The following ACOX3 variants were observed in gnomAD, a reference collection of about 807,000 sequenced individuals.
ACOX3 encodes peroxisomal acyl-coenzyme A oxidase 3.
Under a neutral mutation model 81.5 loss-of-function variants are expected in ACOX3, and 73 were observed. The observed-to-expected ratio is 0.90, with a 90% CI of 0.74 to 1.09. The LOEUF (loss-of-function observed/expected upper bound fraction) is 1.09, where lower values mean the gene tolerates loss of function less well. Among genes scored for constraint, ACOX3 ranks in the 50% least tolerant of loss-of-function variants. ACOX3 has a pLI of 0.00. For synonymous variants in ACOX3, 387 were observed against 375.1 expected (o/e 1.03, Z -0.37); for missense variants, 947 against 928.0 (o/e 1.02, Z -0.27).
At chr4:8,392,070 A>G (rs890544300) in intron 11 of ACOX3, among the ~76,000 whole-genome samples, 1 of 152,272 alleles carries the variant, frequency 6.6e-6, no homozygotes, top group African/African-American at 2.4e-5. Flanking sequence ...GCAATGGACC[A>G]GAGAGTAAAT....
intron 1 of ACOX3, among the ~76,000 whole-genome samples, chr4:8,420,123 G>A (rs1255112695): frequency 6.6e-6 from 1 of 152,192 alleles, no homozygotes; most frequent in African/African-American, 2.4e-5. Flanking sequence ...GAGCTTCTTA[G>A]AGACATTGAC....
rs1388957361 is a variant in ACOX3, at chr4:8,423,587, A to G, written c.-14-7052T>C. On this transcript the variant is annotated intron_variant, in intron 1 of 17. Coordinates refer to ENST00000356406, the MANE Select transcript of ACOX3 (RefSeq NM_003501.3). The surrounding 1 kb of genome is among the most constrained non-coding windows in gnomAD (Gnocchi z 4.2). ...CCAATTTTAGGAGTACAGAAACCCA[A>G]TGGACAGTGGAGGTTAGTGCAAGAT... 1.3e-5 allele frequency among the ~76,000 whole-genome samples: 2 copies of G among 152,062 alleles called. No homozygotes were observed. The highest frequency in any genetic ancestry group is 1.3e-4 in the Admixed American group (2 of 15,270).
chr4:8,440,697 G>T lies in ACOX3; in HGVS notation c.-64C>A. The T allele has an allele frequency of 1.7e-6, 2 of 1,206,924 alleles. No homozygotes were observed. The highest frequency in any genetic ancestry group is 1.9e-5 in the South Asian group (1 of 53,560). 74.8% of individuals were successfully genotyped at this position (1,206,924 alleles called of 1,614,324 possible). A position where few individuals can be genotyped will look rare whatever the true frequency, so the allele number is the denominator to read the frequency against. On this transcript the variant is annotated 5_prime_UTR_variant, in exon 1 of 18. Transcript: ENST00000356406. ...TGCCAGGGAAACCAAAAGCAGGAAAGGATCTCCAGCGGCGCCATTCTCATT... is the reference window on the plus strand; with the variant it reads ...TGCCAGGGAAACCAAAAGCAGGAAATGATCTCCAGCGGCGCCATTCTCATT...
chr4:8,391,935 G>A (rs950421890), intron 11 of ACOX3, among the ~76,000 whole-genome samples: 3 of 152,232 alleles, frequency 2.0e-5, no homozygotes, highest in Non-Finnish European at 4.4e-5. Flanking sequence ...CTACCAAGCT[G>A]TTAACCAAAT....
In ACOX3 at chr4:8,368,681, T is replaced by A. The variant is rs1295916987; in HGVS notation, c.1984-1601A>T. Among the ~76,000 whole-genome samples the A allele has an allele frequency of 6.6e-6, 1 of 151,944 alleles. No homozygotes were observed. The highest frequency in any genetic ancestry group is 1.5e-5 in the Non-Finnish European group (1 of 67,990). ...GTTCGCTTATAGTGAATTTCTCACC[T>A]GGCAGCTCCTGGTTAATACACCAGT... is the stretch of plus-strand genomic sequence containing the variant. On this transcript the variant is annotated intron_variant, in intron 17 of 17. Transcript: ENST00000356406. This position sits in a 1 kb window ranked among gnomAD's most constrained non-coding sequence, Gnocchi z 5.9.
At chr4:8,396,866 C>A (rs766018017) in intron 9 of ACOX3, 71 bp downstream of exon 9, 1 of 1,540,794 alleles carries the variant, frequency 6.5e-7, no homozygotes, top group Non-Finnish European at 8.8e-7. Context: ...AACCAAACGG[C>A]AACTATGTAA....
the ACOX3 span, among the ~76,000 whole-genome samples, chr4:8,359,753 G>A: frequency 6.6e-6 from 1 of 152,170 alleles, no homozygotes; most frequent in African/African-American, 2.4e-5. This position sits in a 1 kb window ranked among gnomAD's most constrained non-coding sequence, Gnocchi z 6.0. Flanking sequence ...TGACCTCCCT[G>A]AGCGCCTCGC....
the ACOX3 span, chr4:8,355,663 G>C: frequency 6.6e-6 from 1 of 152,258 alleles, no homozygotes; most frequent in Non-Finnish European, 1.5e-5. Flanking sequence ...AAGAGTCTTC[G>C]TTTTAAAATG....
At position 8,385,675 on chromosome 4, in the gene ACOX3, C is replaced by G. The variant is rs1250948865; in HGVS notation, c.1537+3498G>C. Among the ~76,000 whole-genome samples the G allele has an allele frequency of 6.6e-6, 1 of 152,226 alleles. No homozygotes were observed. On this transcript the variant is annotated intron_variant, in intron 13 of 17. Coordinates refer to ENST00000356406, the MANE Select transcript of ACOX3 (RefSeq NM_003501.3). This position sits in a 1 kb window ranked among gnomAD's most constrained non-coding sequence, Gnocchi z 5.5. ...GTCAGAATCGAACCCCTGAAGGACC[C>G]GCCATTGGCTTGGCAAATCCTCCAC...
At chr4:8,356,946 G>C in the ACOX3 span, 3 of 414,266 alleles carry the variant, frequency 7.2e-6, no homozygotes, top group East Asian at 2.1e-4. Context: ...AGAAGAAGAA[G>C]GTGAAGTGAG....
At chr4:8,429,269 C>T (rs1188343621) in intron 1 of ACOX3, among the ~76,000 whole-genome samples, 3 of 152,224 alleles carry the variant, frequency 2.0e-5, no homozygotes, top group African/African-American at 7.2e-5. Flanking sequence ...AGACAGCTAA[C>T]GCTTAAAGTT....
At chr4:8,395,483 G>T (rs1380405186) in intron 9 of ACOX3, among the ~76,000 whole-genome samples, 6 of 152,232 alleles carry the variant, frequency 3.9e-5, no homozygotes, top group Non-Finnish European at 8.8e-5. Context: ...CACCACCATG[G>T]TCTAACGTGT....
chr4:8,398,127 T>C (rs900781335), intron 8 of ACOX3, among the ~76,000 whole-genome samples: 5 of 152,178 alleles, frequency 3.3e-5, no homozygotes, highest in Non-Finnish European at 7.4e-5. Context: ...GATCGTGCTG[T>C]TGCACTGCAG....
At position 8,432,817 on chromosome 4, in the gene ACOX3, C is replaced by T. The variant is rs972222676; in HGVS notation, c.-15+7831G>A. Among the ~76,000 whole-genome samples, 2 of 152,206 alleles carry T rather than the reference C, an allele frequency of 1.3e-5. No homozygotes were observed. Among genetic ancestry groups the T allele is most frequent in the African/African-American group, 4.8e-5 (2 of 41,450 alleles). On this transcript the variant is annotated intron_variant, in intron 1 of 17. Transcript: ENST00000356406. This position sits in a 1 kb window ranked among gnomAD's most constrained non-coding sequence, Gnocchi z 6.2. ...TCAGAATGGAGGGGCTTTAAGGGTC[C>T]CAGGTGAGTGTCTCTAGTGCTGCAT...
In ACOX3 at chr4:8,427,434, C is replaced by A. The variant is rs139610207; in HGVS notation, c.-14-10899G>T. ...CTGCTGATGGCTGCTGTCGCAGACG[C>A]CCCGCTGACTTCCACCCCCCTCCAG... On this transcript the variant is annotated intron_variant, in intron 1 of 17. Transcript: ENST00000356406. Among the ~76,000 whole-genome samples the A allele has an allele frequency of 8.3e-3, 1,265 of 152,284 alleles. 7 individuals carry two copies. Among genetic ancestry groups the A allele is most frequent in the Middle Eastern group, 0.027 (8 of 294 alleles).
chr4:8,389,397 A>T lies in ACOX3; in HGVS notation c.1424-111T>A. The T allele has an allele frequency of 7.8e-7, 1 of 1,277,934 alleles. No homozygotes were observed. The allele number at this position is 1,277,934 out of a possible 1,614,324, so 79.2% of individuals were successfully genotyped here. ...AGAGTGTCCAGAGGACCCGACGGCC[A>T]CAGACCCACAGGCGAGGGTCTGGGT... On this transcript the variant is annotated intron_variant, in intron 12 of 17. Coordinates refer to ENST00000356406, the MANE Select transcript of ACOX3 (RefSeq NM_003501.3). The surrounding 1 kb of genome is among the most constrained non-coding windows in gnomAD (Gnocchi z 5.3).
At position 8,416,844 on chromosome 4, in the gene ACOX3, T is replaced by C. The variant is rs979577627; in HGVS notation, c.-14-309A>G. Among the ~76,000 whole-genome samples the C allele has an allele frequency of 1.3e-4, 20 of 152,202 alleles. No individual in the cohort carries two copies. Among genetic ancestry groups the C allele is most frequent in the Non-Finnish European group, 2.6e-4 (18 of 68,032 alleles). On this transcript the variant is annotated intron_variant, in intron 1 of 17. Transcript: ENST00000356406. This position sits in a 1 kb window ranked among gnomAD's most constrained non-coding sequence, Gnocchi z 4.2. The stretch of plus-strand genomic sequence containing the variant: ...AGTCTTGTTTTCTGTCACACAGCCT[T>C]GCCTGAGAGTACCCTGCCCTCTTGG...
chr4:8,419,889 C>A lies in ACOX3; in HGVS notation c.-14-3354G>T, dbSNP rs190011064. ...CCCAGTGTCATGTTGGAATTCCCCT[C>A]TCCATGCGCCATAACCTCAGTACAT... is the stretch of plus-strand genomic sequence containing the variant. On this transcript the variant is annotated intron_variant, in intron 1 of 17. Coordinates refer to ENST00000356406, the MANE Select transcript of ACOX3 (RefSeq NM_003501.3). The surrounding 1 kb of genome is among the most constrained non-coding windows in gnomAD (Gnocchi z 4.2). Among the ~76,000 whole-genome samples, 1 of 152,204 alleles carries A rather than the reference C, an allele frequency of 6.6e-6. No individual in the cohort carries two copies. The highest frequency in any genetic ancestry group is 2.1e-4 in the South Asian group (1 of 4,824).
At chr4:8,402,395 C>T (rs1468174889) in intron 7 of ACOX3, among the ~76,000 whole-genome samples, 2 of 152,342 alleles carry the variant, frequency 1.3e-5, no homozygotes, top group Non-Finnish European at 2.9e-5. Flanking sequence ...ACTCAGAACA[C>T]CCCACCTCGT....
Sources: gnomAD v4.1 joint callset for allele counts (sites outside exome capture counted in the v4.1 genomes callset) on GRCh38, gnomAD v4.1.1 for gene constraint, Gnocchi (gnomAD v3.1) non-coding constraint, MANE v1.5 for transcripts, NCBI Gene and HGNC (gene_info 2026-07-23, HGNC 2026-07-21) for gene names.